The following SLC5A12 variants were observed in gnomAD, a reference collection of about 807,000 sequenced individuals.
The protein encoded by SLC5A12 is sodium-coupled monocarboxylate transporter 2.
A neutral mutation model predicts 72.7 loss-of-function variants in SLC5A12; 46 were observed. The ratio of observed to expected loss-of-function variants is 0.63; its 90% CI spans 0.50 to 0.81. The LOEUF (loss-of-function observed/expected upper bound fraction) is 0.81. Among genes scored for constraint, SLC5A12 ranks in the 30% least tolerant of loss-of-function variants. The probability of loss-of-function intolerance (pLI) is 0.00; values close to 1 mark genes in which losing one functional copy is unlikely to be tolerated. For synonymous variants in SLC5A12, 275 were observed against 264.4 expected, an observed-to-expected ratio of 1.04 and a Z score of -0.39; for missense variants, 683 against 740.7, an observed-to-expected ratio of 0.92 and a Z score of 0.90.
At chr11:26,696,695 T>C (rs1854823834) in intron 8 of SLC5A12, among the ~76,000 whole-genome samples, 1 of 152,190 alleles carries the variant, frequency 6.6e-6, no homozygotes, top group Non-Finnish European at 1.5e-5. Flanking sequence ...AAAAATATGG[T>C]ATTAAAATAT....
intron 1 of SLC5A12, among the ~76,000 whole-genome samples, chr11:26,716,008 T>G (rs1855341298): frequency 6.6e-6 from 1 of 152,168 alleles, no homozygotes; most frequent in Non-Finnish European, 1.5e-5. Flanking sequence ...TACATAGCAA[T>G]AGATAATCAT....
chr11:26,684,164 G>A (rs1294197868), intron 10 of SLC5A12, among the ~76,000 whole-genome samples: 3 of 151,910 alleles, frequency 2.0e-5, no homozygotes, highest in African/African-American at 4.8e-5. Flanking sequence ...TAGAACCAAG[G>A]GGACTTCAAA....
At chr11:26,706,435 T>A (rs1023609446) in intron 4 of SLC5A12, among the ~76,000 whole-genome samples, 1 of 152,038 alleles carries the variant, frequency 6.6e-6, no homozygotes, top group Non-Finnish European at 1.5e-5. Context: ...CAAAACCAGT[T>A]AGAAGGTAGT....
intron 8 of SLC5A12, among the ~76,000 whole-genome samples, chr11:26,694,300 T>C (rs917077075): frequency 2.3e-4 from 35 of 151,070 alleles, no homozygotes; most frequent in African/African-American, 7.9e-4. Flanking sequence ...CCATATGTTG[T>C]CCAGTGTGTT....
At chr11:26,689,040 C>T (rs1854602269) in intron 9 of SLC5A12, among the ~76,000 whole-genome samples, 1 of 146,486 alleles carries the variant, frequency 6.8e-6, no homozygotes, top group African/African-American at 2.5e-5. Context: ...TATGAACACA[C>T]ACAAAACATC....
At chr11:26,691,583 T>TA (rs915346621) in intron 9 of SLC5A12, 3 of 152,020 alleles carry the variant, frequency 2.0e-5, no homozygotes, top group Non-Finnish European at 2.9e-5. Flanking sequence ...ACCATGTTTT[T>TA]AAAAAAATAC....
In SLC5A12 at chr11:26,721,457, A is replaced by G; in HGVS notation, c.258T>C (p.Ile86=). ...RFGASFLVFF[I]AYLFVILLTS... ...TTAAGAGGATGACAAATAGGTAAGC[A>G]ATGAAGAAGACTAGGAAGGATGCCC... Residue 86 remains isoleucine, a synonymous_variant, in exon 1 of 15, where the codon ATT becomes ATC. Transcript: ENST00000396005. The G allele has an allele frequency of 6.2e-7, 1 of 1,614,154 alleles. No individual in the cohort carries two copies. The highest frequency in any genetic ancestry group is 8.5e-7 in the Non-Finnish European group (1 of 1,180,022).
chr11:26,684,169 T>C (rs889337958), intron 10 of SLC5A12, among the ~76,000 whole-genome samples: 3 of 152,068 alleles, frequency 2.0e-5, no homozygotes, highest in African/African-American at 7.2e-5. Context: ...CCAAGGGGAC[T>C]TCAAATCACC....
chr11:26,680,089 C>A (rs2133142446), intron 12 of SLC5A12, among the ~76,000 whole-genome samples: 1 of 151,250 alleles, frequency 6.6e-6, no homozygotes, highest in South Asian at 2.1e-4. Context: ...ATTATCTGGC[C>A]AGTTTGAGAA....
intron 10 of SLC5A12, among the ~76,000 whole-genome samples, chr11:26,684,589 G>A (rs1213125492): frequency 1.3e-5 from 2 of 151,968 alleles, no homozygotes; most frequent in Non-Finnish European, 2.9e-5. Context: ...TAAACTGCGT[G>A]GCACACATCT....
chr11:26,706,274 C>T (rs201493621), intron 4 of SLC5A12, among the ~76,000 whole-genome samples: 4 of 137,130 alleles, frequency 2.9e-5, no homozygotes, highest in African/African-American at 1.1e-4. Flanking sequence ...AAGATTTTTA[C>T]ACCAGGCTAA....
chr11:26,676,688 C>T (rs953723097), intron 13 of SLC5A12, among the ~76,000 whole-genome samples: 6 of 152,104 alleles, frequency 3.9e-5, no homozygotes, highest in Non-Finnish European at 7.3e-5. Context: ...AAATAACTTT[C>T]AGCCATCCAG....
intron 1 of SLC5A12, among the ~76,000 whole-genome samples, chr11:26,719,515 G>A (rs921398669): frequency 2.0e-5 from 3 of 151,852 alleles, no homozygotes; most frequent in Admixed American, 2.0e-4. Flanking sequence ...TATATAACTG[G>A]GCACTCCCAT....
chr11:26,712,765 A>T (rs1271158944), intron 1 of SLC5A12, 59 bp from the exon 2 acceptor site: 29 of 1,309,086 alleles, frequency 2.2e-5, no homozygotes, highest in Non-Finnish European at 3.0e-5. Flanking sequence ...CTGCTAAGAA[A>T]GTCCTTTTTA....
At chr11:26,690,917 T>C (rs1854655146) in intron 9 of SLC5A12, among the ~76,000 whole-genome samples, 1 of 151,840 alleles carries the variant, frequency 6.6e-6, no homozygotes, top group Admixed American at 6.6e-5. Flanking sequence ...ATGTTTTTAA[T>C]GTAAGAAATG....
intron 8 of SLC5A12, among the ~76,000 whole-genome samples, chr11:26,692,987 A>G (rs1185105254): frequency 2.6e-5 from 4 of 152,190 alleles, no homozygotes; most frequent in Non-Finnish European, 5.9e-5. Context: ...GAATCAGTAG[A>G]GCCTGCCACT....
In SLC5A12 at chr11:26,682,590, T is replaced by C. The variant is rs2133147963; in HGVS notation, c.1308+1167A>G. ...ATTAAATATCTAGGCAAAGGCCATG[T>C]CTTAGAGGCTGGTGCAGGGTAAATG... On this transcript the variant is annotated intron_variant, in intron 11 of 14. Transcript: ENST00000396005. Among the ~76,000 whole-genome samples the C allele has an allele frequency of 2.0e-5, 3 of 152,292 alleles. No individual in the cohort carries two copies. The East Asian group carries it at 5.8e-4, about 29-fold the overall frequency.
At chr11:26,712,874 T>C (rs1453093648) in intron 1 of SLC5A12, among the ~76,000 whole-genome samples, 168 bp from the exon 2 acceptor site, 7 of 152,110 alleles carry the variant, frequency 4.6e-5, no homozygotes, top group African/African-American at 1.7e-4. Flanking sequence ...TTGTTAAAAG[T>C]CAAAGATCTA....
intron 10 of SLC5A12, among the ~76,000 whole-genome samples, chr11:26,684,544 G>T (rs1854485292): frequency 6.6e-6 from 1 of 152,078 alleles, no homozygotes; most frequent in Admixed American, 6.6e-5. Flanking sequence ...GAAAGGAGAG[G>T]TCAGGGTTTT....
Sources: gnomAD v4.1 joint callset for allele counts (sites outside exome capture counted in the v4.1 genomes callset) on GRCh38, gnomAD v4.1.1 for gene constraint, MANE v1.5 for transcripts, NCBI Gene and HGNC (gene_info 2026-07-23, HGNC 2026-07-21) for gene names.